DPYD: variants seen among roughly 807,000 people sequenced by gnomAD.
DPYD encodes dihydropyrimidine dehydrogenase [NADP(+)].
Under a neutral mutation model 116.2 loss-of-function variants are expected in DPYD, and 109 were observed. That is an observed-to-expected ratio of 0.94 (90% CI 0.80 to 1.10). The LOEUF (loss-of-function observed/expected upper bound fraction) is 1.10. Ranked by LOEUF, DPYD falls within the 50% of genes least tolerant of loss-of-function variation. DPYD has a pLI of 0.00. For missense variants in DPYD, 1,302 were observed against 1,254.5 expected (o/e 1.04, Z -0.57); for synonymous variants, 440 against 432.0 (o/e 1.02, Z -0.23).
intron 5 of DPYD, chr1:97,720,871 C>T: frequency 6.2e-7 from 1 of 1,608,946 alleles, no homozygotes; most frequent in Non-Finnish European, 8.5e-7. Flanking sequence ...CCAAGAGTGT[C>T]TGAAGAATCA....
intron 3 of DPYD, among the ~76,000 whole-genome samples, chr1:97,793,732 G>C (rs1274639747): frequency 1.3e-5 from 2 of 151,988 alleles, no homozygotes; most frequent in African/African-American, 2.4e-5. Context: ...GTAACCTAGA[G>C]CCAAATGTAA....
rs1387906318 is a variant in DPYD, at chr1:97,078,223, C to T, written c.*753G>A. Reference sequence around the variant, plus strand: ...ATGTGCACAGCAAAAGAGTGGTAACCAGGATCTATCCTATCATCTCATTTT... The same window carrying T: ...ATGTGCACAGCAAAAGAGTGGTAACTAGGATCTATCCTATCATCTCATTTT... On this transcript the variant is annotated 3_prime_UTR_variant, in exon 23 of 23. Transcript: ENST00000370192. 1 of 152,760 alleles carries T rather than the reference C, an allele frequency of 6.5e-6. No homozygotes were observed. The highest frequency in any genetic ancestry group is 2.4e-5 in the African/African-American group (1 of 41,390). 9.5% of individuals were successfully genotyped at this position (152,760 alleles called of 1,614,324 possible). A position where few individuals can be genotyped will look rare whatever the true frequency, so the allele number is the denominator to read the frequency against.
At chr1:97,209,488 G>T (rs759794251) in intron 19 of DPYD, among the ~76,000 whole-genome samples, 3 of 152,094 alleles carry the variant, frequency 2.0e-5, no homozygotes, top group Non-Finnish European at 4.4e-5. Flanking sequence ...TACTGTAGCT[G>T]TGTAAGACCA....
chr1:97,102,396 C>T (rs867745420), intron 20 of DPYD, among the ~76,000 whole-genome samples: 7 of 97,298 alleles, frequency 7.2e-5, no homozygotes, highest in East Asian at 3.5e-4. Context: ...CACTCAGTAT[C>T]ATATATATAT....
At chr1:97,382,347 A>G (rs746037171) in intron 15 of DPYD, 46 bp downstream of exon 15, 14 of 1,191,846 alleles carry the variant, frequency 1.2e-5, no homozygotes, top group African/African-American at 1.6e-5. Flanking sequence ...ACTAATAAAA[A>G]TAGGAGAGAA....
intron 8 of DPYD, among the ~76,000 whole-genome samples, chr1:97,596,168 A>C (rs1367882107): frequency 6.6e-6 from 1 of 152,222 alleles, no homozygotes; most frequent in South Asian, 2.1e-4. Flanking sequence ...CAGAACGAAT[A>C]TTTGAGAAAT....
intron 8 of DPYD, among the ~76,000 whole-genome samples, chr1:97,596,233 A>AT (rs2102263005): frequency 6.6e-6 from 1 of 152,304 alleles, no homozygotes; most frequent in East Asian, 1.9e-4. Flanking sequence ...AGGATTCAAA[A>AT]CTCTGTATAG....
At chr1:97,796,879 G>C (rs1446028003) in intron 3 of DPYD, 1 of 152,096 alleles carries the variant, frequency 6.6e-6, no homozygotes, top group African/African-American at 2.4e-5. Flanking sequence ...CTTGGTAACA[G>C]TATTATGCTA....
intron 18 of DPYD, among the ~76,000 whole-genome samples, chr1:97,264,278 T>A (rs887292223): frequency 7.1e-6 from 1 of 141,518 alleles, no homozygotes; most frequent in Non-Finnish European, 1.5e-5. Context: ...TCTTCCTGCC[T>A]CACCCTCTCA....
At chr1:97,693,104 C>T (rs1227164149) in intron 6 of DPYD, among the ~76,000 whole-genome samples, 1 of 151,704 alleles carries the variant, frequency 6.6e-6, no homozygotes, top group African/African-American at 2.4e-5. Flanking sequence ...TCCTGGCTAA[C>T]ACGGTGAAAC....
chr1:97,546,086 A>C (rs550173512), intron 12 of DPYD: 1 of 1,411,030 alleles, frequency 7.1e-7, no homozygotes, highest in East Asian at 2.3e-5. Flanking sequence ...CCTTAGTTAC[A>C]GTGCTGGTTA....
chr1:97,904,545 C>G (rs764317475), intron 1 of DPYD, among the ~76,000 whole-genome samples: 3 of 151,978 alleles, frequency 2.0e-5, no homozygotes, highest in Non-Finnish European at 4.4e-5. Context: ...CCAAAGACAG[C>G]TTTAGACCCT....
chr1:97,744,839 T>C (rs74105298), intron 3 of DPYD, among the ~76,000 whole-genome samples: 11,337 of 151,938 alleles, frequency 0.075, 468 homozygotes, highest in Middle Eastern at 0.11. Flanking sequence ...AACTATCAGG[T>C]TGAAAAGAAA....
At chr1:97,754,235 T>G (rs892953618) in intron 3 of DPYD, among the ~76,000 whole-genome samples, 3 of 152,120 alleles carry the variant, frequency 2.0e-5, no homozygotes, top group Admixed American at 1.3e-4. Context: ...AGATGACCTA[T>G]TCATTAAGAG....
At chr1:97,816,462 T>C (rs755027199) in intron 3 of DPYD, among the ~76,000 whole-genome samples, 2 of 152,142 alleles carry the variant, frequency 1.3e-5, no homozygotes, top group African/African-American at 4.8e-5. Context: ...CCACAATCAA[T>C]ATTTTTTCAA....
At chr1:97,584,967 TAAAG>T (rs946585484) in intron 10 of DPYD, among the ~76,000 whole-genome samples, 3 of 149,280 alleles carry the variant, frequency 2.0e-5, no homozygotes, top group Admixed American at 6.7e-5. Flanking sequence ...ATAATAATAA[TAAAG>T]AAATAAAATA....
chr1:97,540,137 G>C (rs1318545619), intron 12 of DPYD, among the ~76,000 whole-genome samples: 1 of 150,396 alleles, frequency 6.6e-6, no homozygotes, highest in Non-Finnish European at 1.5e-5. Flanking sequence ...CTATCTACCT[G>C]ATGATAGCAC....
intron 14 of DPYD, among the ~76,000 whole-genome samples, chr1:97,434,413 AG>A (rs1179594372): frequency 2.6e-5 from 4 of 152,100 alleles, no homozygotes; most frequent in Non-Finnish European, 5.9e-5. Context: ...AGAATCTCAG[AG>A]GGAGAAAAAA....
At chr1:97,381,452 T>C (rs569580675) in intron 15 of DPYD, among the ~76,000 whole-genome samples, 163 of 152,300 alleles carry the variant, frequency 1.1e-3, no homozygotes, top group African/African-American at 3.8e-3. Flanking sequence ...ATGGGCTCTG[T>C]GGAAGATTTC....
Sources: gnomAD v4.1 joint callset for allele counts (sites outside exome capture counted in the v4.1 genomes callset) on GRCh38, gnomAD v4.1.1 for gene constraint, MANE v1.5 for transcripts, NCBI Gene and HGNC (gene_info 2026-07-23, HGNC 2026-07-21) for gene names.